Variants in LYPLAL1 observed in about 807,000 individuals in gnomAD.
LYPLAL1 encodes the protein lysophospholipase like 1.
LYPLAL1 carries 23 observed loss-of-function variants against 19.7 expected under a neutral mutation model. The observed-to-expected ratio is 1.17, with a 90% CI of 0.84 to 1.65. LYPLAL1 has a LOEUF of 1.65. Ranked by LOEUF, LYPLAL1 falls within the 40% of genes most tolerant of loss-of-function variation. LYPLAL1 has a pLI of 0.00. For synonymous variants in LYPLAL1, 119 were observed against 96.3 expected (o/e 1.24, Z -1.38); for missense variants, 355 against 279.4 (o/e 1.27, Z -1.93).
chr1:219,216,121 G>GT (rs1317240104), downstream of LYPLAL1, among the ~76,000 whole-genome samples: 1 of 151,622 alleles, frequency 6.6e-6, no homozygotes, highest in Non-Finnish European at 1.5e-5. Flanking sequence ...TTCATCTCTA[G>GT]TTTTTTTATT....
At chr1:219,213,825 A>G (rs141911690), downstream of LYPLAL1, among the ~76,000 whole-genome samples, 188 of 152,186 alleles carry the variant, frequency 1.2e-3, 2 homozygotes, top group Non-Finnish European at 5.9e-4. Context: ...AAAGATCATT[A>G]TGTCATCCAC....
the LYPLAL1 span, among the ~76,000 whole-genome samples, chr1:219,306,045 G>A: frequency 6.6e-5 from 10 of 152,232 alleles, no homozygotes; most frequent in South Asian, 1.7e-3. Flanking sequence ...GCTACTACTA[G>A]CGTTTTCTAA....
At chr1:219,238,239 G>A in the LYPLAL1 span, among the ~76,000 whole-genome samples, 2 of 144,350 alleles carry the variant, frequency 1.4e-5, no homozygotes, top group East Asian at 2.0e-4. Context: ...CCGGGTTCAC[G>A]CCATTCTCCT....
chr1:219,281,790 G>A, the LYPLAL1 span, among the ~76,000 whole-genome samples: 3 of 152,180 alleles, frequency 2.0e-5, no homozygotes, highest in East Asian at 5.8e-4. Flanking sequence ...ATAACTGACA[G>A]AAATTAGATT....
the LYPLAL1 span, among the ~76,000 whole-genome samples, chr1:219,432,956 C>A: frequency 2.6e-4 from 40 of 152,132 alleles, no homozygotes; most frequent in Non-Finnish European, 3.5e-4. Flanking sequence ...ACCTTGGATT[C>A]ATGGTGAGCT....
the LYPLAL1 span, among the ~76,000 whole-genome samples, chr1:219,429,345 A>G: frequency 6.6e-6 from 1 of 152,184 alleles, no homozygotes. Context: ...ACTTCATGAT[A>G]TCACCCAGTG....
At chr1:219,215,876 T>G (rs1659274333), downstream of LYPLAL1, among the ~76,000 whole-genome samples, 1 of 152,186 alleles carries the variant, frequency 6.6e-6, no homozygotes, top group African/African-American at 2.4e-5. Flanking sequence ...CTTTCTTTGT[T>G]TCAGGTGAAA....
intron 3 of LYPLAL1, among the ~76,000 whole-genome samples, chr1:219,201,528 T>C (rs915866763): frequency 1.3e-5 from 2 of 151,848 alleles, no homozygotes; most frequent in African/African-American, 4.8e-5. Flanking sequence ...TTGGAAGATA[T>C]GTTGACTTAT....
the LYPLAL1 span, among the ~76,000 whole-genome samples, chr1:219,328,464 C>T: frequency 3.3e-5 from 5 of 152,150 alleles, no homozygotes; most frequent in Non-Finnish European, 5.9e-5. Context: ...CCACCATTAT[C>T]CTACACACCA....
At chr1:219,216,019 C>G (rs1362854564), downstream of LYPLAL1, among the ~76,000 whole-genome samples, 2 of 151,950 alleles carry the variant, frequency 1.3e-5, no homozygotes, top group Non-Finnish European at 2.9e-5. Flanking sequence ...TTTAAATTTC[C>G]ATATGGTGTC....
At chr1:219,265,783 C>T in the LYPLAL1 span, among the ~76,000 whole-genome samples, 51 of 152,220 alleles carry the variant, frequency 3.4e-4, no homozygotes, top group South Asian at 2.9e-3. Context: ...AGGCTACAAA[C>T]CTGTACAACA....
At chr1:219,296,667 TA>T in the LYPLAL1 span, among the ~76,000 whole-genome samples, 3 of 152,142 alleles carry the variant, frequency 2.0e-5, no homozygotes, top group Non-Finnish European at 4.4e-5. Context: ...ATTTTTTGTT[TA>T]AAAAAATTAT....
the LYPLAL1 span, among the ~76,000 whole-genome samples, chr1:219,443,638 T>C: frequency 6.6e-6 from 1 of 150,870 alleles, no homozygotes; most frequent in African/African-American, 2.4e-5. Context: ...CTAACCGATC[T>C]AAACAAGAGT....
chr1:219,186,217 G>A (rs1656710261), intron 2 of LYPLAL1, among the ~76,000 whole-genome samples: 1 of 151,560 alleles, frequency 6.6e-6, no homozygotes, highest in African/African-American at 2.4e-5. Context: ...TATCCTGTAT[G>A]ATTTTCTTCT....
At chr1:219,382,356 TTTTGTTGTTTG>T in the LYPLAL1 span, among the ~76,000 whole-genome samples, 9 of 152,270 alleles carry the variant, frequency 5.9e-5, no homozygotes, top group South Asian at 1.7e-3. Flanking sequence ...TTGCCACTTT[TTTTGTTGTTTG>T]TTTGTTTTTT....
the LYPLAL1 span, among the ~76,000 whole-genome samples, chr1:219,306,080 A>ATTTAGT: frequency 6.6e-6 from 1 of 152,216 alleles, no homozygotes; most frequent in African/African-American, 2.4e-5. Context: ...CATACATGTA[A>ATTTAGT]TTTAGTTCAC....
the LYPLAL1 span, among the ~76,000 whole-genome samples, chr1:219,229,946 G>C: frequency 1.6e-4 from 25 of 152,068 alleles, no homozygotes; most frequent in Non-Finnish European, 2.6e-4. Context: ...CATTTAAATG[G>C]GTGAGACTTA....
the LYPLAL1 span, among the ~76,000 whole-genome samples, chr1:219,257,294 T>A: frequency 6.6e-6 from 1 of 151,746 alleles, no homozygotes; most frequent in African/African-American, 2.4e-5. Flanking sequence ...TTTAGCATTA[T>A]GAAAAATATG....
the LYPLAL1 span, among the ~76,000 whole-genome samples, chr1:219,335,572 A>C: frequency 1.1e-4 from 17 of 151,960 alleles, no homozygotes; most frequent in Non-Finnish European, 2.4e-4. Flanking sequence ...TTGTATTCTT[A>C]TTTAGGTAGT....
Sources: gnomAD v4.1 joint callset for allele counts (sites outside exome capture counted in the v4.1 genomes callset) on GRCh38, gnomAD v4.1.1 for gene constraint, MANE v1.5 for transcripts, NCBI Gene and HGNC (gene_info 2026-07-23, HGNC 2026-07-21) for gene names.